The following ARID4B variants were observed in gnomAD, a reference collection of about 807,000 sequenced individuals.
The protein encoded by ARID4B is AT-rich interactive domain-containing protein 4B.
A neutral mutation model predicts 147.5 loss-of-function variants in ARID4B; 26 were observed. The ratio of observed to expected loss-of-function variants is 0.18; its 90% CI spans 0.13 to 0.24. The LOEUF (loss-of-function observed/expected upper bound fraction) is 0.24, where lower values mean the gene tolerates loss of function less well. Among genes scored for constraint, ARID4B ranks in the 10% least tolerant of loss-of-function variants. ARID4B has a pLI of 1.00. For missense variants in ARID4B, 1,179 were observed against 1,511.5 expected (o/e 0.78, Z 3.65); for synonymous variants, 512 against 507.9 (o/e 1.01, Z -0.11).
At chr1:235,308,969 C>A (rs1371801571) in intron 2 of ARID4B, among the ~76,000 whole-genome samples, 1 of 151,438 alleles carries the variant, frequency 6.6e-6, no homozygotes, top group Admixed American at 6.6e-5. Context: ...CTCTGCCTGG[C>A]TGCCCAGTCT....
chr1:235,301,038 C>CTTTTTTTTTT (rs780839339), intron 2 of ARID4B, among the ~76,000 whole-genome samples: 6 of 112,270 alleles, frequency 5.3e-5, no homozygotes, highest in African/African-American at 2.2e-4. Flanking sequence ...TTTAAGTATT[C>CTTTTTTTTTT]TTTTTTTTTT....
chr1:235,199,950 T>C (rs1665773095), intron 17 of ARID4B, among the ~76,000 whole-genome samples: 1 of 149,420 alleles, frequency 6.7e-6, no homozygotes, highest in Admixed American at 6.7e-5. Flanking sequence ...CCCATTACAA[T>C]ACTACCCAAG....
At chr1:235,207,786 G>T in intron 17 of ARID4B, among the ~76,000 whole-genome samples, 1 of 152,152 alleles carries the variant, frequency 6.6e-6, no homozygotes, top group South Asian at 2.1e-4. Flanking sequence ...ATTTGTGAAA[G>T]CCTTTTACCA....
At chr1:235,231,568 C>T (rs931988343) in intron 9 of ARID4B, among the ~76,000 whole-genome samples, 101 of 152,206 alleles carry the variant, frequency 6.6e-4, no homozygotes, top group African/African-American at 2.2e-3. Context: ...CTCACCACAA[C>T]CTCTACCTCC....
intron 7 of ARID4B, among the ~76,000 whole-genome samples, chr1:235,245,994 C>T (rs1478999499): frequency 6.6e-6 from 1 of 152,062 alleles, no homozygotes; most frequent in African/African-American, 2.4e-5. Context: ...TCTCTGGTTT[C>T]AAGGAAAGTG....
chr1:235,259,954 C>A (rs1670197869), intron 3 of ARID4B, among the ~76,000 whole-genome samples: 1 of 152,148 alleles, frequency 6.6e-6, no homozygotes, highest in Admixed American at 6.5e-5. Flanking sequence ...CTCCTTCCCA[C>A]CTAAAAGTTC....
At chr1:235,293,398 T>C (rs1672472126) in intron 2 of ARID4B, among the ~76,000 whole-genome samples, 1 of 152,190 alleles carries the variant, frequency 6.6e-6, no homozygotes, top group Non-Finnish European at 1.5e-5. Flanking sequence ...CATTAAACAT[T>C]TTCTATACTG....
chr1:235,256,441 T>C (rs1669997270), intron 4 of ARID4B, among the ~76,000 whole-genome samples: 1 of 152,118 alleles, frequency 6.6e-6, no homozygotes, highest in African/African-American at 2.4e-5. Flanking sequence ...ATTTAAAAAT[T>C]GCTCTGGGGT....
At chr1:235,179,612 G>A (rs1370546338) in intron 20 of ARID4B, among the ~76,000 whole-genome samples, 3 of 149,344 alleles carry the variant, frequency 2.0e-5, no homozygotes, top group Non-Finnish European at 4.4e-5. Context: ...CCTAAATTTA[G>A]GAGTAGCTTT....
intron 23 of ARID4B, among the ~76,000 whole-genome samples, chr1:235,171,899 C>A (rs1663395837): frequency 1.3e-5 from 2 of 152,184 alleles, no homozygotes; most frequent in Non-Finnish European, 2.9e-5. Flanking sequence ...ACCGCAGCCT[C>A]CCAAAGTGCT....
At chr1:235,197,257 C>G (rs1665570116) in intron 17 of ARID4B, among the ~76,000 whole-genome samples, 2 of 152,086 alleles carry the variant, frequency 1.3e-5, no homozygotes, top group Non-Finnish European at 2.9e-5. Flanking sequence ...ATAGAAAACA[C>G]AAAACTCTAG....
rs1197698029 is a variant in ARID4B at position 235,167,286 on chromosome 1, A to G, written c.*1239T>C. 2 of 217,922 alleles carry G rather than the reference A, an allele frequency of 9.2e-6. No individual in the cohort carries two copies. The highest frequency in any genetic ancestry group is 2.2e-5 in the African/African-American group (1 of 44,458). 13.5% of individuals were successfully genotyped at this position (217,922 alleles called of 1,614,324 possible). A position where few individuals can be genotyped will look rare whatever the true frequency, so the allele number is the denominator to read the frequency against. On this transcript the variant is annotated 3_prime_UTR_variant, in exon 24 of 24. Coordinates refer to ENST00000264183, the MANE Select transcript of ARID4B (RefSeq NM_016374.6). ...ACACAGAACTACAATTAAAACAGTA[A>G]AACAGTCTGTACAATAAAGTACTGT...
At chr1:235,269,711 C>G (rs532779230) in intron 2 of ARID4B, among the ~76,000 whole-genome samples, 11 of 151,998 alleles carry the variant, frequency 7.2e-5, no homozygotes, top group African/African-American at 2.7e-4. Context: ...TACACACACA[C>G]AGAGAAAAAG....
intron 13 of ARID4B, among the ~76,000 whole-genome samples, chr1:235,221,875 G>C (rs1327878719): frequency 8.0e-6 from 1 of 125,056 alleles, no homozygotes; most frequent in Non-Finnish European, 1.6e-5. Context: ...GAAATATTAA[G>C]TCATTTGACT....
At chr1:235,322,150 TC>T (rs941920084) in intron 2 of ARID4B, among the ~76,000 whole-genome samples, 98 of 152,208 alleles carry the variant, frequency 6.4e-4, no homozygotes, top group Non-Finnish European at 8.7e-4. Flanking sequence ...TGCCTCAGCC[TC>T]CCTAATAGCT....
At chr1:235,199,721 A>C (rs139752956) in intron 17 of ARID4B, among the ~76,000 whole-genome samples, 1 of 152,292 alleles carries the variant, frequency 6.6e-6, no homozygotes, top group East Asian at 1.9e-4. Flanking sequence ...TTGGTTGGGG[A>C]AGCTTTTTCG....
chr1:235,235,941 TTTTC>T (rs1668524397), intron 8 of ARID4B, among the ~76,000 whole-genome samples: 1 of 150,090 alleles, frequency 6.7e-6, no homozygotes, highest in Non-Finnish European at 1.5e-5. Flanking sequence ...TCCTTTTTCT[TTTTC>T]TTTTTTTTTT....
intron 2 of ARID4B, among the ~76,000 whole-genome samples, chr1:235,297,349 A>G (rs1672811384): frequency 6.6e-6 from 1 of 152,220 alleles, no homozygotes; most frequent in Admixed American, 6.5e-5. Context: ...ACACCAACTC[A>G]TTATTATAAA....
At chr1:235,254,780 C>T (rs769978161) in intron 5 of ARID4B, among the ~76,000 whole-genome samples, 5 of 151,824 alleles carry the variant, frequency 3.3e-5, no homozygotes, top group Non-Finnish European at 7.4e-5. Context: ...CAACTCAAAA[C>T]GGAGAAAACA....
Sources: allele counts gnomAD v4.1 joint callset (sites outside exome capture counted in the v4.1 genomes callset), GRCh38; gene constraint gnomAD v4.1.1; transcripts MANE v1.5; gene names NCBI Gene and HGNC (gene_info 2026-07-23, HGNC 2026-07-21).